Variants in TENM2 observed in about 807,000 individuals in gnomAD.
TENM2 encodes the protein teneurin-2.
TENM2 carries 52 observed loss-of-function variants against 245.2 expected under a neutral mutation model. The observed-to-expected ratio is 0.21, with a 90% CI of 0.17 to 0.27. The LOEUF (loss-of-function observed/expected upper bound fraction) is 0.27, where lower values mean the gene tolerates loss of function less well. Ranked by LOEUF, TENM2 falls within the 10% of genes least tolerant of loss-of-function variation. The pLI, the probability that TENM2 is intolerant of heterozygous loss-of-function variation, is 1.00. For synonymous variants in TENM2, 1,363 were observed against 1,438.9 expected (o/e 0.95, Z 1.19); for missense variants, 3,046 against 3,666.8 (o/e 0.83, Z 4.37).
At chr5:167,629,206 AAAAG>A (rs768890633) in intron 2 of TENM2, among the ~76,000 whole-genome samples, 7 of 152,232 alleles carry the variant, frequency 4.6e-5, no homozygotes, top group Non-Finnish European at 2.9e-5. Flanking sequence ...TTCTAGAAGA[AAAAG>A]AGAGACCTAG....
chr5:167,872,542 A>T (rs921112903), intron 2 of TENM2, among the ~76,000 whole-genome samples: 2 of 48,068 alleles, frequency 4.2e-5, no homozygotes, highest in Non-Finnish European at 1.2e-4. Flanking sequence ...GAAAGAAAGA[A>T]AGAAAGAGAA....
chr5:167,013,908 G>T, the TENM2 span, among the ~76,000 whole-genome samples: 1 of 152,166 alleles, frequency 6.6e-6, no homozygotes, highest in Admixed American at 6.5e-5. Context: ...ATTGGTAAGG[G>T]AATGTCGAGG....
chr5:167,189,402 A>G, the TENM2 span, among the ~76,000 whole-genome samples: 3 of 152,154 alleles, frequency 2.0e-5, no homozygotes. Flanking sequence ...TTTTAAATTT[A>G]ATGTTATAAT....
At chr5:168,254,521 A>AGGAAGAGGAAGAAG (rs1562342730) in intron 27 of TENM2, among the ~76,000 whole-genome samples, 10 of 151,062 alleles carry the variant, frequency 6.6e-5, no homozygotes, top group African/African-American at 1.7e-4. Context: ...AGAGGAAGAA[A>AGGAAGAGGAAGAAG]GGGAGGAAGA....
chr5:167,370,316 T>C lies in TENM2; in HGVS notation c.227-4882T>C, dbSNP rs1018932854. On this transcript the variant is annotated intron_variant, in intron 1 of 28. Coordinates refer to ENST00000518659, the Ensembl canonical transcript of TENM2. ...GAGATAACGCCACTGCACTCCAGCCTGGGCGACAGAGTGAGACTCCGTCTC... is the reference window on the plus strand; with the variant it reads ...GAGATAACGCCACTGCACTCCAGCCCGGGCGACAGAGTGAGACTCCGTCTC... 4.0e-4 allele frequency among the ~76,000 whole-genome samples: 48 copies of C among 120,326 alleles called. No individual in the cohort carries two copies. The Admixed American group carries it at 5.5e-3, about 14-fold the overall frequency. 78.9% of individuals were successfully genotyped at this position (120,326 alleles called of 152,430 possible). A position where few individuals can be genotyped will look rare whatever the true frequency, so the allele number is the denominator to read the frequency against.
At chr5:167,548,291 T>C (rs541730457) in intron 2 of TENM2, among the ~76,000 whole-genome samples, 354 of 152,352 alleles carry the variant, frequency 2.3e-3, no homozygotes, top group Non-Finnish European at 3.8e-3. Context: ...TGCAGTTCTA[T>C]AGTGGTTTAA....
At chr5:167,585,494 T>C (rs573978090) in intron 2 of TENM2, among the ~76,000 whole-genome samples, 1 of 152,188 alleles carries the variant, frequency 6.6e-6, no homozygotes, top group African/African-American at 2.4e-5. Context: ...TGATGCAGAA[T>C]AAATATATAT....
chr5:167,921,869 T>C (rs553027377), intron 3 of TENM2, among the ~76,000 whole-genome samples: 1 of 152,308 alleles, frequency 6.6e-6, no homozygotes, highest in South Asian at 2.1e-4. Context: ...TTACCCCAAC[T>C]TTACAAATAC....
At chr5:167,438,819 C>A (rs1180173756) in intron 2 of TENM2, among the ~76,000 whole-genome samples, 2 of 151,394 alleles carry the variant, frequency 1.3e-5, no homozygotes, top group African/African-American at 2.4e-5. Flanking sequence ...TTGAGACGGA[C>A]CTTCGCTCTT....
At chr5:167,134,494 G>A in the TENM2 span, among the ~76,000 whole-genome samples, 1 of 152,178 alleles carries the variant, frequency 6.6e-6, no homozygotes, top group Non-Finnish European at 1.5e-5. Context: ...ACATACACTC[G>A]TTACATTCTA....
the TENM2 span, among the ~76,000 whole-genome samples, chr5:166,994,650 G>C: frequency 6.6e-6 from 1 of 152,156 alleles, no homozygotes; most frequent in Admixed American, 6.5e-5. Flanking sequence ...GGAAAGGCAG[G>C]CTTTTATTTT....
At chr5:167,730,076 A>G (rs1760309135) in intron 2 of TENM2, among the ~76,000 whole-genome samples, 2 of 152,176 alleles carry the variant, frequency 1.3e-5, no homozygotes, top group African/African-American at 4.8e-5. Flanking sequence ...GGAAATAACA[A>G]TAATGCTTGC....
chr5:167,109,178 G>C, the TENM2 span, among the ~76,000 whole-genome samples: 1 of 151,492 alleles, frequency 6.6e-6, no homozygotes, highest in African/African-American at 2.4e-5. Flanking sequence ...GGCACTATCT[G>C]TTTAATACAG....
At chr5:167,036,014 T>A in the TENM2 span, among the ~76,000 whole-genome samples, 95,988 of 152,058 alleles carry the variant, frequency 0.63, 32,353 homozygotes, top group African/African-American at 0.88. Context: ...AAGTGCTGGG[T>A]TTACAGGCAT....
intron 2 of TENM2, among the ~76,000 whole-genome samples, chr5:167,375,874 A>G (rs1454304757): frequency 2.0e-5 from 3 of 152,114 alleles, no homozygotes; most frequent in Non-Finnish European, 4.4e-5. Context: ...ACGATCTCTT[A>G]AGAATCCCAC....
At chr5:167,059,708 C>CATT in the TENM2 span, among the ~76,000 whole-genome samples, 82 of 142,834 alleles carry the variant, frequency 5.7e-4, 1 homozygote, top group African/African-American at 2.1e-3. Context: ...AAGTAAATGT[C>CATT]TTTTTTTTTT....
the TENM2 span, among the ~76,000 whole-genome samples, chr5:167,257,352 A>G: frequency 2.0e-5 from 3 of 152,198 alleles, no homozygotes; most frequent in Admixed American, 2.0e-4. Context: ...GTGAGGTACT[A>G]CAATTGATAA....
At position 167,952,066 on chromosome 5, in the gene TENM2, A is replaced by G. The variant is rs138979499; in HGVS notation, c.713-522A>G. Among the ~76,000 whole-genome samples, 11 of 152,274 alleles carry G rather than the reference A, an allele frequency of 7.2e-5. No individual in the cohort carries two copies. In the East Asian group the frequency reaches 1.9e-3, roughly 27 times the overall value. On this transcript the variant is annotated intron_variant, in intron 3 of 28. Transcript: ENST00000518659. ...TGGTGCTGAGTGAGGGCTGCCCCCTAGTCTCTTCACCTCAACTCAGTCCTT... is the reference window on the plus strand; with the variant it reads ...TGGTGCTGAGTGAGGGCTGCCCCCTGGTCTCTTCACCTCAACTCAGTCCTT...
chr5:167,228,851 C>T, the TENM2 span, among the ~76,000 whole-genome samples: 6 of 152,062 alleles, frequency 3.9e-5, no homozygotes, highest in Non-Finnish European at 7.4e-5. Context: ...ACTACAGGTA[C>T]CCGCCACCAC....
Sources: gnomAD v4.1 joint callset for allele counts (sites outside exome capture counted in the v4.1 genomes callset) on GRCh38, gnomAD v4.1.1 for gene constraint, MANE v1.5 for transcripts, NCBI Gene and HGNC (gene_info 2026-07-23, HGNC 2026-07-21) for gene names.